The following CACNA1D variants were observed in gnomAD, a reference collection of about 807,000 sequenced individuals.
The protein encoded by CACNA1D is voltage-dependent L-type calcium channel subunit alpha-1D.
A neutral mutation model predicts 257.1 loss-of-function variants in CACNA1D; 55 were observed. The ratio of observed to expected loss-of-function variants is 0.21; its 90% CI spans 0.17 to 0.27. The LOEUF (loss-of-function observed/expected upper bound fraction) is 0.27, where lower values mean the gene tolerates loss of function less well. Ranked by LOEUF, CACNA1D falls within the 10% of genes least tolerant of loss-of-function variation. The probability of loss-of-function intolerance (pLI) is 1.00; values close to 1 mark genes in which losing one functional copy is unlikely to be tolerated. For missense variants in CACNA1D, 1,876 were observed against 2,784.0 expected (o/e 0.67, Z 7.34); for synonymous variants, 980 against 1,014.9 (o/e 0.97, Z 0.65).
chr3:53,540,078 TC>T (rs979427674), intron 3 of CACNA1D, among the ~76,000 whole-genome samples: 1 of 151,830 alleles, frequency 6.6e-6, no homozygotes, highest in South Asian at 2.1e-4. Flanking sequence ...ATGAACACAT[TC>T]TTTTTTTTTT....
At chr3:53,662,735 G>A (rs1012080551) in intron 5 of CACNA1D, among the ~76,000 whole-genome samples, 5 of 152,134 alleles carry the variant, frequency 3.3e-5, no homozygotes, top group African/African-American at 9.7e-5. Flanking sequence ...ACAAAGGAGC[G>A]GAATGCAATA....
chr3:53,803,507 G>T lies in CACNA1D; in HGVS notation c.5520G>T (p.Leu1840Phe). 1 of 1,614,104 alleles carries T rather than the reference G, an allele frequency of 6.2e-7. No homozygotes were observed. The highest frequency in any genetic ancestry group is 8.5e-7 in the Non-Finnish European group (1 of 1,179,928). Residue 1840 changes from leucine (L) to phenylalanine (F), a missense_variant, in exon 44 of 48, where the codon TTG becomes TTT. Leu to Phe is a conservative substitution (Grantham distance 22). Coordinates refer to ENST00000350061, the MANE Select transcript of CACNA1D (RefSeq NM_001128840.3). ...IHGYFRDPHC[L>F]GEQEYFSSEE... ...GCTATTTCAGGGACCCCCACTGCTT[G>T]GGGGAGCAGGAGTATTTCAGTAGTG... is the stretch of plus-strand genomic sequence containing the variant.
intron 3 of CACNA1D, among the ~76,000 whole-genome samples, chr3:53,594,283 C>G (rs535014553): frequency 5.3e-5 from 8 of 152,318 alleles, no homozygotes; most frequent in Non-Finnish European, 1.0e-4. Context: ...TCCCTCAGGC[C>G]TTACCTGAGG....
intron 5 of CACNA1D, among the ~76,000 whole-genome samples, chr3:53,663,712 C>T (rs1314847947): frequency 6.6e-6 from 1 of 152,132 alleles, no homozygotes; most frequent in African/African-American, 2.4e-5. Context: ...GGATTTCAGA[C>T]TCAGCAAGAC....
chr3:53,542,580 T>TTAAATAAATAAATAAA (rs3054119), intron 3 of CACNA1D, among the ~76,000 whole-genome samples: 2 of 148,844 alleles, frequency 1.3e-5, no homozygotes, highest in Admixed American at 6.7e-5. Flanking sequence ...ACCCTGTTGC[T>TTAAATAAATAAATAAA]TAAATAAATA....
chr3:53,699,506 C>T (rs1336120474), intron 8 of CACNA1D, among the ~76,000 whole-genome samples: 1 of 152,164 alleles, frequency 6.6e-6, no homozygotes, highest in Non-Finnish European at 1.5e-5. Context: ...CAGAACACAG[C>T]AGTGACAGAG....
chr3:53,612,711 C>A (rs1026103468), intron 3 of CACNA1D, among the ~76,000 whole-genome samples: 3 of 152,084 alleles, frequency 2.0e-5, no homozygotes, highest in African/African-American at 7.2e-5. Context: ...TCAGTGAGAC[C>A]TTTGTGTTCT....
intron 1 of CACNA1D, 57 bp from the exon 2 acceptor site, chr3:53,497,095 C>A: frequency 7.3e-7 from 1 of 1,370,356 alleles, no homozygotes; most frequent in Non-Finnish European, 1.0e-6. Context: ...TTTTTTTCTC[C>A]TACCCACTGG....
At chr3:53,593,953 G>T (rs1261778620) in intron 3 of CACNA1D, among the ~76,000 whole-genome samples, 3 of 152,198 alleles carry the variant, frequency 2.0e-5, no homozygotes, top group Non-Finnish European at 4.4e-5. Flanking sequence ...TCAGGGAGCT[G>T]CAGCTTTTCT....
At chr3:53,786,720 C>CCCCCCCCCAAG in intron 39 of CACNA1D, 102 bp from the exon 40 acceptor site, 1 of 525,196 alleles carries the variant, frequency 1.9e-6, no homozygotes, top group Non-Finnish European at 3.7e-6. Flanking sequence ...ACCGCCCACC[C>CCCCCCCCCAAG]GCCCCACTCT....
At chr3:53,547,698 T>A (rs3774439) in intron 3 of CACNA1D, among the ~76,000 whole-genome samples, 29,620 of 152,156 alleles carry the variant, frequency 0.19, 3,132 homozygotes, top group South Asian at 0.3. Context: ...TGTTAACGAT[T>A]ATGGCAGTGG....
intron 3 of CACNA1D, among the ~76,000 whole-genome samples, chr3:53,587,551 G>A (rs897887609): frequency 2.6e-5 from 4 of 152,202 alleles, no homozygotes; most frequent in Non-Finnish European, 4.4e-5. Context: ...CAGGAATGGG[G>A]ACAGGTGGTT....
intron 8 of CACNA1D, among the ~76,000 whole-genome samples, chr3:53,683,702 G>A (rs533529490): frequency 6.9e-6 from 1 of 144,704 alleles, no homozygotes; most frequent in East Asian, 2.3e-4. Flanking sequence ...AAAAGAATAG[G>A]TAAATCTCAG....
chr3:53,811,607 A>G lies in CACNA1D; in HGVS notation c.*201A>G. On this transcript the variant is annotated 3_prime_UTR_variant, in exon 48 of 48. Transcript: ENST00000350061. This position sits in a 1 kb window ranked among gnomAD's most constrained non-coding sequence, Gnocchi z 4.2. Reference sequence around the variant, plus strand: ...CCCAAGCGGTTGAGCCTGGCAGAGTACCATGCGCTCGGCCCCAGCTGCAGG... The same window carrying G: ...CCCAAGCGGTTGAGCCTGGCAGAGTGCCATGCGCTCGGCCCCAGCTGCAGG... The G allele has an allele frequency of 1.9e-6, 1 of 513,444 alleles. No individual in the cohort carries two copies. The highest frequency in any genetic ancestry group is 3.4e-6 in the Non-Finnish European group (1 of 293,772). 31.8% of individuals were successfully genotyped at this position (513,444 alleles called of 1,614,324 possible).
intron 3 of CACNA1D, among the ~76,000 whole-genome samples, chr3:53,622,848 A>G (rs1407990285): frequency 6.6e-6 from 1 of 152,134 alleles, no homozygotes; most frequent in Non-Finnish European, 1.5e-5. Flanking sequence ...AAAAGGCATG[A>G]ACTGTGATAG....
At chr3:53,781,800 A>G (rs1204552931) in intron 39 of CACNA1D, 133 bp downstream of exon 39, 1 of 730,364 alleles carries the variant, frequency 1.4e-6, no homozygotes, top group Non-Finnish European at 2.5e-6. Context: ...ACTGATAAAG[A>G]AAGCCCTTTG....
intron 3 of CACNA1D, among the ~76,000 whole-genome samples, chr3:53,589,877 G>T (rs1011406384): frequency 6.6e-6 from 1 of 152,138 alleles, no homozygotes; most frequent in African/African-American, 2.4e-5. Flanking sequence ...CATACCCTGG[G>T]CCTCATGGTT....
At chr3:53,567,242 G>A (rs907976919) in intron 3 of CACNA1D, among the ~76,000 whole-genome samples, 5 of 152,188 alleles carry the variant, frequency 3.3e-5, no homozygotes, top group African/African-American at 9.6e-5. Context: ...TTTGGCCTAT[G>A]TGAAATTTAT....
Position 53,803,636 on chromosome 3 carries a change from G to A in CACNA1D, c.5585+64G>A, listed in dbSNP as rs1036590904. On this transcript the variant is annotated intron_variant, in intron 44 of 47. Transcript: ENST00000350061. ...CCTGCCCTGGTGCTCGGCCCACTCC[G>A]GAAGCCAGGGCCACCGGCAGCTGCA... is the stretch of plus-strand genomic sequence containing the variant. 1.8e-5 allele frequency: 28 copies of A among 1,540,340 alleles called. No homozygotes were observed. In the East Asian group the frequency reaches 2.5e-4, roughly 14 times the overall value.
Sources: allele counts gnomAD v4.1 joint callset (sites outside exome capture counted in the v4.1 genomes callset), GRCh38; gene constraint gnomAD v4.1.1; non-coding constraint Gnocchi (gnomAD v3.1); transcripts MANE v1.5; gene names NCBI Gene and HGNC (gene_info 2026-07-23, HGNC 2026-07-21).